DNAAF6: variants seen among roughly 807,000 people sequenced by gnomAD.
DNAAF6 encodes the protein PIH1 domain containing 3.
Under a neutral mutation model 13.7 loss-of-function variants are expected in DNAAF6, and 3 were observed. The observed-to-expected ratio is 0.22, with a 90% CI of 0.10 to 0.56. The LOEUF (loss-of-function observed/expected upper bound fraction) is 0.56, where lower values mean the gene tolerates loss of function less well. Among genes scored for constraint, DNAAF6 ranks in the 20% least tolerant of loss-of-function variants. The pLI is 0.92. For synonymous variants in DNAAF6, 54 were observed against 49.2 expected, an observed-to-expected ratio of 1.10 and a Z score of -0.41; for missense variants, 130 against 151.0, an observed-to-expected ratio of 0.86 and a Z score of 0.73.
At chrX:107,233,119 C>G (rs761055214) in intron 5 of DNAAF6, among the ~76,000 whole-genome samples, 2 of 111,577 alleles carry the variant, frequency 1.8e-5, no homozygotes, top group East Asian at 2.8e-4. Context: ...CAATAAAGAA[C>G]AAGTAACTAT....
chrX:107,228,771 A>G (rs754813785), intron 5 of DNAAF6, among the ~76,000 whole-genome samples: 7 of 110,568 alleles, frequency 6.3e-5, no homozygotes, highest in Non-Finnish European at 9.5e-5. Flanking sequence ...ATGCACCACA[A>G]TGCCCTGCTA....
chrX:107,237,738 C>A (rs112504171), intron 5 of DNAAF6, among the ~76,000 whole-genome samples: 1 of 112,332 alleles, frequency 8.9e-6, no homozygotes, highest in East Asian at 2.8e-4. Context: ...AATTCCAGCA[C>A]GTTGGGAGGC....
intron 6 of DNAAF6, 94 bp from the exon 7 acceptor site, chrX:107,243,075 A>C (rs1928656859): frequency 2.0e-6 from 2 of 989,035 alleles, no homozygotes; most frequent in Non-Finnish European, 2.7e-6. Flanking sequence ...GTTGTTTTCT[A>C]ACACTCTAGT....
chrX:107,216,649 T>C (rs1927993006), intron 2 of DNAAF6, 22 bp from the exon 3 acceptor site: 2 of 1,120,298 alleles, frequency 1.8e-6, no homozygotes, highest in South Asian at 2.0e-5. Flanking sequence ...TACAGAATAT[T>C]GAACTTTTTC....
chrX:107,230,620 T>C (rs955820155), intron 5 of DNAAF6, among the ~76,000 whole-genome samples: 4 of 111,995 alleles, frequency 3.6e-5, no homozygotes, highest in Non-Finnish European at 5.6e-5. Flanking sequence ...GAGGCAGCAG[T>C]TGCAGTGAGC....
chrX:107,225,789 G>A (rs1928241960), intron 5 of DNAAF6, among the ~76,000 whole-genome samples: 3 of 111,253 alleles, frequency 2.7e-5, no homozygotes, highest in South Asian at 3.8e-4. Context: ...CAAACCCTTC[G>A]AACCTCAAAC....
intron 1 of DNAAF6, among the ~76,000 whole-genome samples, chrX:107,211,434 A>T (rs1602676952): frequency 8.9e-6 from 1 of 112,052 alleles, no homozygotes; most frequent in South Asian, 3.7e-4. Flanking sequence ...TTATTATTAT[A>T]TTTCTATTTT....
intron 5 of DNAAF6, among the ~76,000 whole-genome samples, chrX:107,237,844 G>A: frequency 8.9e-6 from 1 of 111,963 alleles, no homozygotes; most frequent in African/African-American, 3.2e-5. Flanking sequence ...AGCCGGGCGT[G>A]GTGGCACGCA....
chrX:107,228,576 G>C (rs766152560), intron 5 of DNAAF6, among the ~76,000 whole-genome samples: 40 of 110,030 alleles, frequency 3.6e-4, no homozygotes, highest in African/African-American at 1.2e-3. Flanking sequence ...CATGGTGTGG[G>C]CCCCTAGGTG....
In DNAAF6 at chrX:107,219,800, A is replaced by ATT. The variant is rs546631583; in HGVS notation, c.332+845_332+846dup. Among the ~76,000 whole-genome samples, 252 of 99,342 alleles carry ATT rather than the reference A, an allele frequency of 2.5e-3. 1 individual carries two copies. The highest frequency in any genetic ancestry group is 8.4e-3 in the African/African-American group (227 of 27,022). 86.3% of individuals were successfully genotyped at this position (99,342 alleles called of 115,157 possible). On this transcript the variant is annotated intron_variant, in intron 4 of 6. Transcript: ENST00000372453. Reference sequence around the variant, plus strand: ...AATACTGAATACAAAACTATCCAGTATTTTTTTTTTTTTTTAGACAGAGTC... The same window carrying ATT: ...AATACTGAATACAAAACTATCCAGTATTTTTTTTTTTTTTTTTAGACAGAGTC...
At chrX:107,237,534 A>G (rs998077696) in intron 5 of DNAAF6, among the ~76,000 whole-genome samples, 3 of 112,606 alleles carry the variant, frequency 2.7e-5, no homozygotes, top group African/African-American at 9.7e-5. Flanking sequence ...AGTGACATTT[A>G]GTATATTCAC....
intron 4 of DNAAF6, among the ~76,000 whole-genome samples, chrX:107,220,955 CTT>C (rs1371257531): frequency 4.3e-4 from 18 of 42,077 alleles, no homozygotes; most frequent in African/African-American, 1.4e-3. Flanking sequence ...TTCTTTCTTT[CTT>C]TTTCTTTCTT....
intron 1 of DNAAF6, among the ~76,000 whole-genome samples, chrX:107,208,060 T>C (rs1780626060): frequency 1.8e-5 from 2 of 111,365 alleles, no homozygotes; most frequent in South Asian, 7.7e-4. Context: ...TGAAATGTAC[T>C]ATAGAGCATT....
chrX:107,221,910 CATAATAATAATAATA>C (rs35475398), intron 4 of DNAAF6, among the ~76,000 whole-genome samples: 3 of 98,386 alleles, frequency 3.0e-5, no homozygotes, highest in Non-Finnish European at 6.1e-5. Context: ...TAGCATTAAG[CATAATAATAATAATA>C]ATAATAATAA....
chrX:107,235,469 C>T (rs911297414), intron 5 of DNAAF6, among the ~76,000 whole-genome samples: 1 of 111,258 alleles, frequency 9.0e-6, no homozygotes, highest in African/African-American at 3.3e-5. Context: ...TTGCTTCTGC[C>T]TTCATCTTTT....
chrX:107,209,999 T>C (rs922569370), intron 1 of DNAAF6, among the ~76,000 whole-genome samples: 13 of 111,347 alleles, frequency 1.2e-4, no homozygotes, highest in African/African-American at 3.9e-4. Context: ...CTGGAGCCAA[T>C]CTGGTTGAAC....
chrX:107,219,020 C>A, intron 4 of DNAAF6, 51 bp downstream of exon 4: 1 of 1,090,615 alleles, frequency 9.2e-7, no homozygotes, highest in Non-Finnish European at 1.2e-6. Context: ...TTAGCTGTGT[C>A]ATCTGATAAC....
intron 2 of DNAAF6, among the ~76,000 whole-genome samples, chrX:107,215,767 T>C (rs974890571): frequency 6.3e-5 from 7 of 111,544 alleles, no homozygotes; most frequent in Non-Finnish European, 1.1e-4. Flanking sequence ...AAAAGAGAGA[T>C]AGAGGTGCTA....
At chrX:107,225,444 A>G (rs1173806280) in intron 5 of DNAAF6, among the ~76,000 whole-genome samples, 1 of 111,583 alleles carries the variant, frequency 9.0e-6, no homozygotes, top group Non-Finnish European at 1.9e-5. Context: ...GCCATATTAT[A>G]CCACCATTGA....
Sources: allele counts gnomAD v4.1 joint callset (sites outside exome capture counted in the v4.1 genomes callset), GRCh38; gene constraint gnomAD v4.1.1; transcripts MANE v1.5; gene names NCBI Gene and HGNC (gene_info 2026-07-23, HGNC 2026-07-21).